The following ZNF624 variants were observed in gnomAD, a reference collection of about 807,000 sequenced individuals.
The protein encoded by ZNF624 is zinc finger protein 624.
Under a neutral mutation model 74.7 loss-of-function variants are expected in ZNF624, and 43 were observed. That is an observed-to-expected ratio of 0.58 (90% CI 0.45 to 0.74). The LOEUF (loss-of-function observed/expected upper bound fraction) is 0.74. ZNF624 is among the 30% of genes least tolerant of loss of function. The probability of loss-of-function intolerance (pLI) is 0.00; values close to 1 mark genes in which losing one functional copy is unlikely to be tolerated. For synonymous variants in ZNF624, 331 were observed against 341.3 expected (o/e 0.97, Z 0.33); for missense variants, 820 against 1,030.0 (o/e 0.80, Z 2.79).
At chr17:16,637,474 A>T (rs1909361147) in intron 3 of ZNF624, among the ~76,000 whole-genome samples, 1 of 152,212 alleles carries the variant, frequency 6.6e-6, no homozygotes, top group South Asian at 2.1e-4. Context: ...CTATACTACA[A>T]GGCTACAGTA....
intron 5 of ZNF624, chr17:16,631,240 T>C (rs943754239): frequency 2.6e-5 from 4 of 152,112 alleles, no homozygotes; most frequent in African/African-American, 9.7e-5. Context: ...CATAAAAAAG[T>C]GTGATATAGT....
chr17:16,615,956 C>CATACATATATATATATAT (rs58603208), downstream of ZNF624, among the ~76,000 whole-genome samples: 3 of 90,302 alleles, frequency 3.3e-5, no homozygotes, highest in South Asian at 4.0e-4. Flanking sequence ...ATTCCATATA[C>CATACATATATATATATAT]ATATATATAT....
At chr17:16,630,374 T>C (rs923887437) in intron 5 of ZNF624, among the ~76,000 whole-genome samples, 2 of 151,920 alleles carry the variant, frequency 1.3e-5, no homozygotes, top group Admixed American at 6.6e-5. Context: ...CTAGCCAACA[T>C]GGTGAAACCC....
At chr17:16,652,273 C>T (rs1273215526) in intron 1 of ZNF624, among the ~76,000 whole-genome samples, 2 of 152,182 alleles carry the variant, frequency 1.3e-5, no homozygotes, top group African/African-American at 2.4e-5. Context: ...AGCCCATACA[C>T]TGACCCCCAA....
downstream of ZNF624, among the ~76,000 whole-genome samples, chr17:16,618,802 T>G (rs1252575898): frequency 6.6e-6 from 1 of 152,218 alleles, no homozygotes; most frequent in Non-Finnish European, 1.5e-5. Flanking sequence ...TAATCATATT[T>G]TTTCTCTAGC....
In ZNF624 at chr17:16,633,870, G is replaced by C. The variant is rs1157711397; in HGVS notation, c.368C>G (p.Pro123Arg). ...WVTVREISRIPYPDMEPKPAT... is the reference protein window; with the variant it reads ...WVTVREISRIRYPDMEPKPAT... ...GGTTCTGTTTAACTCACCAGGATAG[G>C]GAATTCTTGAAATTTCTCTCACCGT... The change falls in exon 5 of 6, where the codon CCC (proline) becomes CGC (arginine). Residue 123 changes from proline to arginine, a missense_variant. Physicochemically the swap from Pro to Arg is moderately radical, Grantham distance 103. Transcript: ENST00000311331. The C allele has an allele frequency of 1.2e-6, 2 of 1,612,454 alleles. No individual in the cohort carries two copies. Among genetic ancestry groups the C allele is most frequent in the Non-Finnish European group, 1.7e-6 (2 of 1,178,744 alleles).
intron 2 of ZNF624, 73 bp downstream of exon 2, chr17:16,649,585 C>A (rs1202416650): frequency 2.9e-6 from 4 of 1,382,136 alleles, no homozygotes; most frequent in Non-Finnish European, 4.1e-6. Flanking sequence ...GTAGAGAAGT[C>A]GCAAGCCTTC....
At chr17:16,652,403 G>C (rs575773537) in intron 1 of ZNF624, among the ~76,000 whole-genome samples, 2 of 152,282 alleles carry the variant, frequency 1.3e-5, no homozygotes, top group East Asian at 1.9e-4. Flanking sequence ...CGAAGGTCTA[G>C]AGTAATGGTT....
intron 5 of ZNF624, among the ~76,000 whole-genome samples, chr17:16,626,996 A>G (rs946079881): frequency 3.3e-5 from 5 of 152,164 alleles, no homozygotes; most frequent in Admixed American, 6.5e-5. Context: ...CGGAGGTTGC[A>G]GTGAGCCGAG....
downstream of ZNF624, among the ~76,000 whole-genome samples, chr17:16,619,635 T>C (rs774719806): frequency 4.6e-5 from 7 of 152,230 alleles, no homozygotes; most frequent in Non-Finnish European, 8.8e-5. Context: ...CATAATGGAA[T>C]AGCGGCATGC....
chr17:16,629,142 G>A (rs188706577), intron 5 of ZNF624, among the ~76,000 whole-genome samples: 1 of 143,396 alleles, frequency 7.0e-6, no homozygotes, highest in Admixed American at 7.2e-5. Flanking sequence ...AGGTTGCAGT[G>A]AGCCGAGATC....
At chr17:16,649,507 T>C (rs1909668371) in intron 2 of ZNF624, 151 bp downstream of exon 2, 2 of 654,446 alleles carry the variant, frequency 3.1e-6, no homozygotes, top group Non-Finnish European at 5.5e-6. Context: ...CATAGTTTAC[T>C]ACCCTTACTG....
rs754309773 is a variant in ZNF624 at position 16,623,385 on chromosome 17, C to G, written c.1501G>C (p.Glu501Gln). 8.1e-6 allele frequency: 13 copies of G among 1,613,788 alleles called. No individual in the cohort carries two copies. The highest frequency in any genetic ancestry group is 1.0e-5 in the Non-Finnish European group (12 of 1,179,852). The part of the protein sequence containing the change: ...IRTHTGEKPY[E>Q]CNECGKAFNR... ...AATGCTTTCCCACATTCATTACATT[C>G]ATAGGGTTTTTCCCCAGTGTGAGTT... The change falls in exon 6 of 6, where the codon GAA becomes CAA. Residue 501 changes from glutamate to glutamine, a missense_variant. Physicochemically the swap from Glu to Gln is conservative, Grantham distance 29 (BLOSUM62 2). Coordinates refer to ENST00000311331, the MANE Select transcript of ZNF624 (RefSeq NM_020787.4). The surrounding 1 kb of genome is among the most constrained non-coding windows in gnomAD (Gnocchi z 5.3).
intron 3 of ZNF624, among the ~76,000 whole-genome samples, chr17:16,638,086 T>C (rs929518187): frequency 6.6e-6 from 1 of 152,100 alleles, no homozygotes; most frequent in African/African-American, 2.4e-5. Context: ...AAGAAGACAT[T>C]TATGCAGCCA....
At chr17:16,652,435 CAA>C (rs1909747723) in intron 1 of ZNF624, among the ~76,000 whole-genome samples, 1 of 152,128 alleles carries the variant, frequency 6.6e-6, no homozygotes, top group African/African-American at 2.4e-5. Context: ...TAACATTTAT[CAA>C]GAGTGAGCTG....
rs772857949 is a variant in ZNF624 at position 16,623,354 on chromosome 17, C to A, written c.1532G>T (p.Arg511Leu). Residue 511 changes from arginine (R) to leucine (L), a missense_variant, in exon 6 of 6, where the codon CGC (arginine) becomes CTC (leucine). Transcript: ENST00000311331. The surrounding 1 kb of genome is among the most constrained non-coding windows in gnomAD (Gnocchi z 5.3). ...CTGATGTTCTGTGAAATTTGCGATG[C>A]GGTTGAATGCTTTCCCACATTCATT... is the stretch of plus-strand genomic sequence containing the variant. The part of the protein sequence containing the change: ...ECNECGKAFN[R>L]IANFTEHQRI... 1 of 1,612,748 alleles carries A rather than the reference C, an allele frequency of 6.2e-7. No homozygotes were observed. The highest frequency in any genetic ancestry group is 8.5e-7 in the Non-Finnish European group (1 of 1,179,206).
At chr17:16,642,384 T>C (rs953113455) in intron 3 of ZNF624, among the ~76,000 whole-genome samples, 20 of 152,284 alleles carry the variant, frequency 1.3e-4, no homozygotes, top group African/African-American at 4.8e-4. Flanking sequence ...TAATGGTCAG[T>C]TGATTTTTAA....
Position 16,623,693 on chromosome 17 carries a change from C to T in ZNF624, c.1193G>A (p.Ser398Asn). The T allele has an allele frequency of 1.2e-6, 2 of 1,611,086 alleles. No individual in the cohort carries two copies. Among genetic ancestry groups the T allele is most frequent in the South Asian group, 1.1e-5 (1 of 90,322 alleles). The stretch of plus-strand genomic sequence containing the variant: ...ATGTCTTGCAAGTTTTGATTTATCA[C>T]TAAAAGCTTTCCCGCATTCACTACA... Reference protein sequence around the residue: ...YKCSECGKAFSDKSKLARHQE... With the variant: ...YKCSECGKAFNDKSKLARHQE... The change falls in exon 6 of 6, where the codon AGT (serine) becomes AAT (asparagine). Residue 398 changes from serine to asparagine, a missense_variant. Physicochemically the swap from Ser to Asn is conservative, Grantham distance 46 (BLOSUM62 1). Transcript: ENST00000311331. The surrounding 1 kb of genome is among the most constrained non-coding windows in gnomAD (Gnocchi z 5.3).
At chr17:16,638,993 A>C (rs1283112066) in intron 3 of ZNF624, among the ~76,000 whole-genome samples, 1 of 152,238 alleles carries the variant, frequency 6.6e-6, no homozygotes, top group Non-Finnish European at 1.5e-5. Context: ...AATCATCACA[A>C]TAAGGAAGGT....
Sources: gnomAD v4.1 joint callset for allele counts (sites outside exome capture counted in the v4.1 genomes callset) on GRCh38, gnomAD v4.1.1 for gene constraint, Gnocchi (gnomAD v3.1) non-coding constraint, MANE v1.5 for transcripts, NCBI Gene and HGNC (gene_info 2026-07-23, HGNC 2026-07-21) for gene names.